The following KCNT1 variants were observed in gnomAD, a reference collection of about 807,000 sequenced individuals.
The protein encoded by KCNT1 is potassium channel subfamily T member 1.
KCNT1 carries 78 observed loss-of-function variants against 147.8 expected under a neutral mutation model. That is an observed-to-expected ratio of 0.53 (90% CI 0.44 to 0.64). The LOEUF (loss-of-function observed/expected upper bound fraction) is 0.64. Among genes scored for constraint, KCNT1 ranks in the 30% least tolerant of loss-of-function variants. KCNT1 has a pLI of 0.00. For synonymous variants in KCNT1, 867 were observed against 748.8 expected, an observed-to-expected ratio of 1.16 and a Z score of -2.58; for missense variants, 1,419 against 1,750.3, an observed-to-expected ratio of 0.81 and a Z score of 3.38.
chr9:135,750,598 A>C, intron 3 of KCNT1: 1 of 340,000 alleles, frequency 2.9e-6, no homozygotes, highest in South Asian at 3.0e-5. Context: ...TCCCCCCGGG[A>C]TTGCAGGTGA....
At chr9:135,769,904 C>A in intron 15 of KCNT1, 43 bp from the exon 16 acceptor site, 1 of 1,415,400 alleles carries the variant, frequency 7.1e-7, no homozygotes, top group Non-Finnish European at 9.7e-7. Context: ...GAGGAGAGAG[C>A]CGGCAGAGCG....
Position 135,702,215 on chromosome 9 carries a change from C to T in KCNT1, c.-44C>T. 1.4e-6 allele frequency: 2 copies of T among 1,404,790 alleles called. No homozygotes were observed. Among genetic ancestry groups the T allele is most frequent in the African/African-American group, 1.4e-5 (1 of 69,330 alleles). 87.0% of individuals were successfully genotyped at this position (1,404,790 alleles called of 1,614,324 possible). ...AACGCGAGGGAAGAAGGTGGCGGCT[C>T]CCACTCGCTTCTCCCTCGGGTCGGG... On this transcript the variant is annotated 5_prime_UTR_variant, in exon 1 of 31. Coordinates refer to ENST00000371757, the MANE Select transcript of KCNT1 (RefSeq NM_020822.3).
chr9:135,753,780 T>G, intron 4 of KCNT1, 157 bp from the exon 5 acceptor site: 1 of 700,118 alleles, frequency 1.4e-6, no homozygotes. Context: ...GCAGGCTGCC[T>G]TGTCTCCCAG....
chr9:135,702,797 G>A (rs1197826485), intron 1 of KCNT1, among the ~76,000 whole-genome samples: 1 of 152,094 alleles, frequency 6.6e-6, no homozygotes, highest in Admixed American at 6.5e-5. Flanking sequence ...TGGGGTGCCC[G>A]GCGAGGTTAC....
chr9:135,765,260 C>T, intron 12 of KCNT1, 65 bp downstream of exon 12: 2 of 1,476,162 alleles, frequency 1.4e-6, no homozygotes, highest in Non-Finnish European at 1.9e-6. Context: ...CCATCCTCTC[C>T]CCAGGACTGC....
Position 135,731,946 on chromosome 9 carries a change from T to A in KCNT1, c.254+17226T>A, listed in dbSNP as rs1836450464. Among the ~76,000 whole-genome samples the A allele has an allele frequency of 5.6e-5, 7 of 125,648 alleles. No individual in the cohort carries two copies. In the South Asian group the frequency reaches 1.6e-3, roughly 29 times the overall value. The allele number at this position is 125,648 out of a possible 152,430, so 82.4% of individuals were successfully genotyped here. A position where few individuals can be genotyped will look rare whatever the true frequency, so the allele number is the denominator to read the frequency against. Reference sequence around the variant, plus strand: ...CTTCATCATCACATATCTAAATACTTTTCAAATATGCGTGTATATATATAT... The same window carrying A: ...CTTCATCATCACATATCTAAATACTATTCAAATATGCGTGTATATATATAT... On this transcript the variant is annotated intron_variant, in intron 2 of 30. Coordinates refer to ENST00000371757, the MANE Select transcript of KCNT1 (RefSeq NM_020822.3).
chr9:135,713,091 G>T (rs961092847), intron 1 of KCNT1, among the ~76,000 whole-genome samples: 1 of 152,230 alleles, frequency 6.6e-6, no homozygotes, highest in Admixed American at 6.5e-5. Flanking sequence ...AAAGGCAGAC[G>T]GGGTGGGGAC....
At chr9:135,785,514 C>T in intron 28 of KCNT1, 184 bp downstream of exon 28, 1 of 754,778 alleles carries the variant, frequency 1.3e-6, no homozygotes, top group Non-Finnish European at 2.3e-6. Flanking sequence ...TTGACACTCA[C>T]TCCCTCCTGC....
intron 2 of KCNT1, among the ~76,000 whole-genome samples, chr9:135,723,295 G>A (rs942157405): frequency 7.9e-5 from 12 of 152,358 alleles, no homozygotes; most frequent in African/African-American, 2.6e-4. Flanking sequence ...AAGCAAAAGC[G>A]TTGGTGGGGT....
intron 24 of KCNT1, among the ~76,000 whole-genome samples, chr9:135,781,785 C>T (rs1375355373): frequency 6.6e-6 from 1 of 152,156 alleles, no homozygotes; most frequent in African/African-American, 2.4e-5. Context: ...CATACACGAC[C>T]GTCAGTGAGA....
intron 24 of KCNT1, 22 bp from the exon 25 acceptor site, chr9:135,783,998 CATCT>C (rs772042648): frequency 6.3e-7 from 1 of 1,586,278 alleles, no homozygotes; most frequent in South Asian, 1.1e-5. Flanking sequence ...GGCACCAGCC[CATCT>C]GAGGCCCCTC....
rs778930811 is a variant in KCNT1, at chr9:135,765,072, A to AG, written c.1082dup (p.Asn362GlnfsTer134). 2 of 1,612,986 alleles carry AG rather than the reference A, an allele frequency of 1.2e-6. No homozygotes were observed. Among genetic ancestry groups the AG allele is most frequent in the Non-Finnish European group, 8.5e-7 (1 of 1,179,754 alleles). On this transcript the variant is annotated frameshift_variant, in exon 12 of 31. Coordinates refer to ENST00000371757, the MANE Select transcript of KCNT1 (RefSeq NM_020822.3). LOFTEE classifies it high-confidence loss of function. ...ACCTCTGGATGGAGCGGCAGAAGTC[A>AG]GGGGGCAACTACAGCCGCCACCGTG...
At chr9:135,783,023 G>A (rs376743834) in intron 24 of KCNT1, among the ~76,000 whole-genome samples, 8 of 152,204 alleles carry the variant, frequency 5.3e-5, no homozygotes, top group South Asian at 4.1e-4. Flanking sequence ...TTCTGGTTCC[G>A]GGGGGAAGTG....
rs1477566705 is a variant in KCNT1, at chr9:135,784,922, C to G, written c.3156+33C>G. ...GGCAGCCTGGGGGCTGGGACTGTGG[C>G]AGCCCCTGTCCTGTGTGACCCACAG... On this transcript the variant is annotated intron_variant, in intron 27 of 30. Transcript: ENST00000371757. The G allele has an allele frequency of 2.5e-6, 4 of 1,606,666 alleles. No homozygotes were observed. In the African/African-American group the frequency reaches 5.3e-5, roughly 21 times the overall value.
At chr9:135,724,331 A>C (rs1267820041) in intron 2 of KCNT1, among the ~76,000 whole-genome samples, 1 of 152,148 alleles carries the variant, frequency 6.6e-6, no homozygotes, top group Non-Finnish European at 1.5e-5. Flanking sequence ...CCCCGCGTGC[A>C]CTCCCATCCT....
rs370521183 is a variant in KCNT1 at position 135,775,346 on chromosome 9, C to T, written c.2280C>T (p.Ile760=). Residue 760 remains isoleucine (I), a synonymous_variant, in exon 20 of 31, where the codon ATC becomes ATT. Coordinates refer to ENST00000371757, the MANE Select transcript of KCNT1 (RefSeq NM_020822.3). ...VKGYPPNSPY[I]GSSPTLCHLL... ...GCTACCCTCCCAACTCGCCCTACATCGGCAGCTCCCCAACCCTGTGCCACC... is the reference window on the plus strand; with the variant it reads ...GCTACCCTCCCAACTCGCCCTACATTGGCAGCTCCCCAACCCTGTGCCACC... 2.5e-5 allele frequency: 41 copies of T among 1,609,820 alleles called. No individual in the cohort carries two copies. The highest frequency in any genetic ancestry group is 2.6e-5 in the Non-Finnish European group (31 of 1,178,070).
Position 135,772,153 on chromosome 9 carries a change from C to T in KCNT1, c.2009-562C>T, listed in dbSNP as rs567095235. On this transcript the variant is annotated intron_variant, in intron 18 of 30. Transcript: ENST00000371757. Reference sequence around the variant, plus strand: ...GGCTGCTGCTGCCTAGCCACACCTCCACCTTCACCTGCGCAGTAGGCACTC... The same window carrying T: ...GGCTGCTGCTGCCTAGCCACACCTCTACCTTCACCTGCGCAGTAGGCACTC... Among the ~76,000 whole-genome samples, 21 of 152,334 alleles carry T rather than the reference C, an allele frequency of 1.4e-4. No individual in the cohort carries two copies. The East Asian group carries it at 2.3e-3, about 17-fold the overall frequency.
chr9:135,780,427 G>A (rs145262070), intron 24 of KCNT1, among the ~76,000 whole-genome samples: 9 of 152,348 alleles, frequency 5.9e-5, no homozygotes, highest in South Asian at 2.1e-4. Flanking sequence ...CACTCCCTGC[G>A]ACACGGACAT....
At chr9:135,739,292 G>A (rs905266266) in intron 2 of KCNT1, among the ~76,000 whole-genome samples, 5 of 152,066 alleles carry the variant, frequency 3.3e-5, no homozygotes, top group African/African-American at 1.2e-4. Flanking sequence ...GAGGTCTAGC[G>A]TGGTCCAGTT....
Sources: allele counts gnomAD v4.1 joint callset (sites outside exome capture counted in the v4.1 genomes callset), GRCh38; gene constraint gnomAD v4.1.1; transcripts MANE v1.5; gene names NCBI Gene and HGNC (gene_info 2026-07-23, HGNC 2026-07-21).